MYOM2: variants seen among roughly 807,000 people sequenced by gnomAD.
MYOM2 encodes the protein myomesin-2.
A neutral mutation model predicts 187.6 loss-of-function variants in MYOM2; 254 were observed. The ratio of observed to expected loss-of-function variants is 1.35; its 90% CI spans 1.22 to 1.50. The LOEUF is 1.50. MYOM2 is among the 40% of genes most tolerant of loss of function. The pLI is 0.00. For synonymous variants in MYOM2, 981 were observed against 753.8 expected (o/e 1.30, Z -4.94); for missense variants, 2,796 against 1,924.0 (o/e 1.45, Z -8.48).
intron 6 of MYOM2, among the ~76,000 whole-genome samples, chr8:2,062,534 G>C (rs1306851307): frequency 1.3e-5 from 2 of 152,178 alleles, no homozygotes; most frequent in African/African-American, 4.8e-5. Flanking sequence ...CATCACAGCG[G>C]GGTAGGCCTG....
chr8:2,136,694 C>A (rs1396867235), intron 32 of MYOM2, among the ~76,000 whole-genome samples: 1 of 152,080 alleles, frequency 6.6e-6, no homozygotes. Flanking sequence ...GTCAGGAGGC[C>A]GGTGGGACAC....
intron 19 of MYOM2, 44 bp from the exon 20 acceptor site, chr8:2,100,832 G>A (rs772243021): frequency 6.2e-7 from 1 of 1,606,442 alleles, no homozygotes; most frequent in Admixed American, 1.7e-5. Context: ...GGGTGTGCTG[G>A]ACTGGCTATG....
At chr8:2,085,536 T>TGCATGGCCCCCCACTGTCGTGATCTCC (rs1819819063) in intron 14 of MYOM2, 146 bp downstream of exon 14, 1 of 312,484 alleles carries the variant, frequency 3.2e-6, no homozygotes, top group Non-Finnish European at 5.2e-6. Context: ...TTGTGATCTC[T>TGCATGGCCCCCCACTGTCGTGATCTCC]GCGTGGCCCC....
chr8:2,061,053 G>A (rs1311432114), intron 6 of MYOM2, among the ~76,000 whole-genome samples: 1 of 152,134 alleles, frequency 6.6e-6, no homozygotes, highest in African/African-American at 2.4e-5. Context: ...ATGGAGGGCT[G>A]AGGAGCCCAT....
rs1819302511 is a variant in MYOM2, at chr8:2,073,372, T to C, written c.992T>C (p.Met331Thr). Reference protein sequence around the residue: ...VLLKESKWTKMFFGEGQASLS... With the variant: ...VLLKESKWTKTFFGEGQASLS... ...TTGAAAGAGTCCAAGTGGACGAAGA[T>C]GTTCTTTGGAGAAGGCCAGGCCTCC... Residue 331 changes from methionine (M) to threonine (T), a missense_variant, in exon 10 of 37, where the codon ATG becomes ACG. By Grantham distance (81) the Met-to-Thr change is moderately conservative (BLOSUM62 -1). Coordinates refer to ENST00000262113, the MANE Select transcript of MYOM2 (RefSeq NM_003970.4). The C allele has an allele frequency of 5.6e-6, 9 of 1,612,896 alleles. No individual in the cohort carries two copies. The highest frequency in any genetic ancestry group is 7.6e-6 in the Non-Finnish European group (9 of 1,179,300).
chr8:2,131,612 A>G (rs1797870725), intron 32 of MYOM2, among the ~76,000 whole-genome samples: 1 of 151,158 alleles, frequency 6.6e-6, no homozygotes, highest in African/African-American at 2.4e-5. Flanking sequence ...CCCCAAACAA[A>G]TTCATTATAC....
Position 2,076,292 on chromosome 8 carries a change from T to G in MYOM2, c.1262+10T>G, listed in dbSNP as rs1285214284. 6.2e-7 allele frequency: 1 copy of G among 1,612,794 alleles called. No homozygotes were observed. Among genetic ancestry groups the G allele is most frequent in the Non-Finnish European group, 8.5e-7 (1 of 1,179,620 alleles). ...GCTATTTTGTGGACCGGTGAGCGTCTTGCATTCTCCCGGGGATGGGAACGT... is the reference window on the plus strand; with the variant it reads ...GCTATTTTGTGGACCGGTGAGCGTCGTGCATTCTCCCGGGGATGGGAACGT... On this transcript the variant is annotated intron_variant, in intron 11 of 36. Transcript: ENST00000262113.
rs1186918630 is a variant in MYOM2 at position 2,143,435 on chromosome 8, G to A, written c.4059G>A (p.Val1353=). 7 of 1,613,916 alleles carry A rather than the reference G, an allele frequency of 4.3e-6. No homozygotes were observed. Among genetic ancestry groups the A allele is most frequent in the Non-Finnish European group, 5.9e-6 (7 of 1,180,018 alleles). ...GGTTGATCGGCGGCTTGCCTGACGTGGTGACCATCATGGAAGGGAAGGTGA... is the reference window on the plus strand; with the variant it reads ...GGTTGATCGGCGGCTTGCCTGACGTAGTGACCATCATGGAAGGGAAGGTGA... The part of the protein sequence containing the change: ...RGRLIGGLPD[V]VTIMEGKTLN... The change falls in exon 36 of 37, where the codon GTG becomes GTA. Residue 1353 remains valine (V), a synonymous_variant. Coordinates refer to ENST00000262113, the MANE Select transcript of MYOM2 (RefSeq NM_003970.4).
chr8:2,140,166 T>C (rs1466020132), intron 32 of MYOM2, among the ~76,000 whole-genome samples: 1 of 152,214 alleles, frequency 6.6e-6, no homozygotes, highest in Non-Finnish European at 1.5e-5. Context: ...ATTTGTCTCT[T>C]TGTGACAGGC....
In MYOM2 at chr8:2,103,862, C is replaced by G. The variant is rs140596885; in HGVS notation, c.2734+1081C>G. ...TTATGTGTATATGTGTATGTATGTACAGGTATATGGATAAATGAGTGGGAG... is the reference window on the plus strand; with the variant it reads ...TTATGTGTATATGTGTATGTATGTAGAGGTATATGGATAAATGAGTGGGAG... On this transcript the variant is annotated intron_variant, in intron 21 of 36. Coordinates refer to ENST00000262113, the MANE Select transcript of MYOM2 (RefSeq NM_003970.4). 2.2e-3 allele frequency among the ~76,000 whole-genome samples: 317 copies of G among 144,682 alleles called. 2 individuals carry two copies. Among genetic ancestry groups the G allele is most frequent in the African/African-American group, 8.1e-3 (312 of 38,696 alleles). 94.9% of individuals were successfully genotyped at this position (144,682 alleles called of 152,430 possible).
intron 6 of MYOM2, among the ~76,000 whole-genome samples, chr8:2,063,863 T>C (rs1818926558): frequency 6.6e-6 from 1 of 152,190 alleles, no homozygotes; most frequent in Non-Finnish European, 1.5e-5. Context: ...TTTGTATAAA[T>C]TGAGACCAGA....
chr8:2,141,044 A>G, intron 33 of MYOM2, 97 bp from the exon 34 acceptor site: 2 of 1,352,336 alleles, frequency 1.5e-6, no homozygotes, highest in Non-Finnish European at 2.0e-6. Flanking sequence ...TTTATATATC[A>G]GTTTTCATGA....
At chr8:2,132,407 A>C (rs920974842) in intron 32 of MYOM2, among the ~76,000 whole-genome samples, 1 of 152,262 alleles carries the variant, frequency 6.6e-6, no homozygotes, top group Non-Finnish European at 1.5e-5. Flanking sequence ...AGCGTGAGTT[A>C]GAAGCAGGCA....
intron 9 of MYOM2, 79 bp from the exon 10 acceptor site, chr8:2,073,260 C>T (rs554271386): frequency 7.7e-5 from 115 of 1,490,888 alleles, no homozygotes; most frequent in East Asian, 5.2e-4. Context: ...CGCTCTGAGA[C>T]GACGCTGGTG....
rs961486001 is a variant in MYOM2 at position 2,138,872 on chromosome 8, G to A, written c.3801-1851G>A. ...AACCATCCCTGGGAACAGCCATTTC[G>A]GCCTCTCTGGCTTAGTGTGCGCCAG... On this transcript the variant is annotated intron_variant, in intron 32 of 36. Coordinates refer to ENST00000262113, the MANE Select transcript of MYOM2 (RefSeq NM_003970.4). Among the ~76,000 whole-genome samples, 23 of 152,048 alleles carry A rather than the reference G, an allele frequency of 1.5e-4. 2 individuals carry two copies. Among genetic ancestry groups the A allele is most frequent in the Admixed American group, 1.5e-3 (23 of 15,266 alleles).
intron 13 of MYOM2, among the ~76,000 whole-genome samples, chr8:2,082,397 T>C (rs889505268): frequency 1.3e-4 from 9 of 69,260 alleles, no homozygotes; most frequent in Admixed American, 1.2e-3. Flanking sequence ...TTCAGCTGAT[T>C]TTTTTTTCTT....
chr8:2,124,470 A>T (rs545975323), intron 31 of MYOM2, among the ~76,000 whole-genome samples: 1 of 152,214 alleles, frequency 6.6e-6, no homozygotes. Context: ...CACTTCTTCC[A>T]TCCTGTCTTA....
At chr8:2,121,311 C>T (rs115708834) in intron 28 of MYOM2, among the ~76,000 whole-genome samples, 2,058 of 152,098 alleles carry the variant, frequency 0.014, 43 homozygotes, top group African/African-American at 0.046. Flanking sequence ...TTGTTCTGAC[C>T]GTGCCATACA....
At chr8:2,121,990 A>G (rs977889137) in intron 28 of MYOM2, among the ~76,000 whole-genome samples, 15 of 152,254 alleles carry the variant, frequency 9.9e-5, no homozygotes, top group Non-Finnish European at 1.2e-4. Flanking sequence ...GTCTCCCCCA[A>G]TTATAGGACA....
Sources: allele counts gnomAD v4.1 joint callset (sites outside exome capture counted in the v4.1 genomes callset), GRCh38; gene constraint gnomAD v4.1.1; transcripts MANE v1.5; gene names NCBI Gene and HGNC (gene_info 2026-07-23, HGNC 2026-07-21).